Variants in BICD1 observed in about 807,000 individuals in gnomAD.
BICD1 encodes the protein BICD cargo adaptor 1.
A neutral mutation model predicts 92.5 loss-of-function variants in BICD1; 35 were observed. The ratio of observed to expected loss-of-function variants is 0.38; its 90% confidence interval spans 0.29 to 0.50. The LOEUF is 0.50. BICD1 is among the 20% of genes least tolerant of loss of function. The pLI is 0.93. For missense variants in BICD1, 950 were observed against 1,189.8 expected (o/e 0.80, Z 2.97); for synonymous variants, 429 against 465.1 (o/e 0.92, Z 1.00).
At chr12:32,145,041 T>C (rs887505935) in intron 1 of BICD1, among the ~76,000 whole-genome samples, 2 of 152,260 alleles carry the variant, frequency 1.3e-5, no homozygotes, top group Admixed American at 1.3e-4. Context: ...GACCTGAGTG[T>C]CTTGAAAGCA....
At chr12:32,283,145 AG>A (rs1947465554) in intron 2 of BICD1, among the ~76,000 whole-genome samples, 1 of 16,160 alleles carries the variant, frequency 6.2e-5, no homozygotes. Context: ...GACTGACTGT[AG>A]GAAGAGGAAG....
At chr12:32,327,204 G>A (rs1197141647) in intron 4 of BICD1, among the ~76,000 whole-genome samples, 1 of 152,168 alleles carries the variant, frequency 6.6e-6, no homozygotes, top group Non-Finnish European at 1.5e-5. Flanking sequence ...TAACATTGAA[G>A]TTTCGTCAGT....
At chr12:32,307,316 T>C (rs1948256085) in intron 4 of BICD1, among the ~76,000 whole-genome samples, 2 of 152,202 alleles carry the variant, frequency 1.3e-5, no homozygotes, top group African/African-American at 4.8e-5. Flanking sequence ...ACCTTAAATT[T>C]TTAGCGTCTT....
At chr12:32,252,486 G>T (rs1946593047) in intron 2 of BICD1, among the ~76,000 whole-genome samples, 1 of 151,956 alleles carries the variant, frequency 6.6e-6, no homozygotes, top group Admixed American at 6.6e-5. Context: ...TGTCCAGGAG[G>T]GTCTCCATCT....
chr12:32,348,739 T>A (rs1210810642), intron 8 of BICD1, among the ~76,000 whole-genome samples: 402 of 14,032 alleles, frequency 0.029, 7 homozygotes, highest in Middle Eastern at 0.075. Context: ...TATATATATA[T>A]ATATATATAT....
At chr12:32,224,024 C>T (rs1945613183) in intron 2 of BICD1, among the ~76,000 whole-genome samples, 1 of 152,180 alleles carries the variant, frequency 6.6e-6, no homozygotes, top group Non-Finnish European at 1.5e-5. Context: ...CAAAATGTGA[C>T]ACAGACACAC....
At chr12:32,236,748 A>C (rs906646642) in intron 2 of BICD1, among the ~76,000 whole-genome samples, 2 of 152,104 alleles carry the variant, frequency 1.3e-5, no homozygotes, top group South Asian at 2.1e-4. Flanking sequence ...GAGGAGTGCT[A>C]TTCTGTTGAA....
chr12:32,107,446 C>G lies in BICD1; in HGVS notation c.115C>G (p.Leu39Val). ...HEKIQAAEYG[L>V]VVLEEKLTLK... is the part of the protein sequence containing the mutation. Reference sequence around the variant, plus strand: ...GAAGATCCAGGCTGCCGAGTACGGGCTGGTGGTGCTGGAGGAGAAGCTGAC... The same window carrying G: ...GAAGATCCAGGCTGCCGAGTACGGGGTGGTGGTGCTGGAGGAGAAGCTGAC... Residue 39 changes from leucine (L) to valine (V), a missense_variant, in exon 1 of 10, where the codon CTG (leucine) becomes GTG (valine). This residue lies in a region of BICD1 where 202 missense variants were observed against 205.3 expected (regional missense o/e 0.98). Transcript: ENST00000652176. 1.2e-6 allele frequency: 2 copies of G among 1,611,678 alleles called. No individual in the cohort carries two copies. Among genetic ancestry groups the G allele is most frequent in the Non-Finnish European group, 1.7e-6 (2 of 1,179,138 alleles).
intron 2 of BICD1, among the ~76,000 whole-genome samples, chr12:32,229,991 G>C (rs530170667): frequency 7.2e-5 from 11 of 152,090 alleles, no homozygotes; most frequent in Non-Finnish European, 1.6e-4. Flanking sequence ...TTAATATATG[G>C]TAACACTTGG....
intron 1 of BICD1, among the ~76,000 whole-genome samples, chr12:32,118,749 G>C (rs879799139): frequency 6.6e-6 from 1 of 152,172 alleles, no homozygotes; most frequent in Non-Finnish European, 1.5e-5. Flanking sequence ...AGGGATGACT[G>C]TATTTACGTT....
chr12:32,156,145 G>C (rs1052654613), intron 1 of BICD1, among the ~76,000 whole-genome samples: 1 of 152,232 alleles, frequency 6.6e-6, no homozygotes, highest in Non-Finnish European at 1.5e-5. Flanking sequence ...TGGATTATCA[G>C]ACATTTGTAA....
At chr12:32,217,695 C>T (rs1945400551) in intron 2 of BICD1, among the ~76,000 whole-genome samples, 1 of 152,190 alleles carries the variant, frequency 6.6e-6, no homozygotes, top group South Asian at 2.1e-4. Context: ...CCAACGTGAA[C>T]AACTGTTAAA....
intron 4 of BICD1, among the ~76,000 whole-genome samples, chr12:32,318,122 G>A (rs1203440253): frequency 6.6e-6 from 1 of 151,962 alleles, no homozygotes; most frequent in Admixed American, 6.5e-5. Context: ...TAGCCTTGTA[G>A]TATAGTTTGA....
chr12:32,111,703 G>C (rs1419728305), intron 1 of BICD1, among the ~76,000 whole-genome samples: 1 of 151,764 alleles, frequency 6.6e-6, no homozygotes, highest in Non-Finnish European at 1.5e-5. Context: ...CACCTCCCGG[G>C]TTCACGCCAT....
At chr12:32,272,749 G>A (rs7350612) in intron 2 of BICD1, among the ~76,000 whole-genome samples, 26 of 152,274 alleles carry the variant, frequency 1.7e-4, no homozygotes, top group African/African-American at 6.0e-4. Flanking sequence ...ATGTGGTTAA[G>A]GAAACATATT....
chr12:32,236,615 A>G (rs1280078617), intron 2 of BICD1, among the ~76,000 whole-genome samples: 1 of 138,296 alleles, frequency 7.2e-6, no homozygotes, highest in Non-Finnish European at 1.7e-5. Context: ...ACTTTAAATC[A>G]AAACATAGAA....
chr12:32,107,779 C>T, intron 1 of BICD1: 1 of 704,058 alleles, frequency 1.4e-6, no homozygotes, highest in Non-Finnish European at 2.6e-6. Flanking sequence ...GTTTGGCCTG[C>T]GGGGGAGGGA....
At chr12:32,210,336 GA>G (rs1205081020) in intron 1 of BICD1, among the ~76,000 whole-genome samples, 2 of 152,090 alleles carry the variant, frequency 1.3e-5, no homozygotes, top group African/African-American at 4.8e-5. Flanking sequence ...TGAGATGAAA[GA>G]ACGAAAATTC....
chr12:32,326,204 GA>G (rs1258754160), intron 4 of BICD1, among the ~76,000 whole-genome samples: 3 of 150,794 alleles, frequency 2.0e-5, no homozygotes, highest in African/African-American at 7.3e-5. Context: ...AAAAGAAGAA[GA>G]AAGAAAAGAA....
Sources: gnomAD v4.1 joint callset for allele counts (sites outside exome capture counted in the v4.1 genomes callset) on GRCh38, gnomAD v4.1.1 for gene constraint, gnomAD v4.1.1 regional missense constraint, MANE v1.5 for transcripts, NCBI Gene and HGNC (gene_info 2026-07-23, HGNC 2026-07-21) for gene names.